NRXN3: variants seen among roughly 807,000 people sequenced by gnomAD.
The protein encoded by NRXN3 is neurexin 3, also known as neurexin III.
Under a neutral mutation model 137.6 loss-of-function variants are expected in NRXN3, and 32 were observed. That is an observed-to-expected ratio of 0.23 (90% CI 0.18 to 0.31). NRXN3 has a LOEUF of 0.31. NRXN3 is among the 10% of genes least tolerant of loss of function. The pLI, the probability that NRXN3 is intolerant of heterozygous loss-of-function variation, is 1.00. For synonymous variants in NRXN3, 798 were observed against 784.5 expected (o/e 1.02, Z -0.29); for missense variants, 1,574 against 2,062.5 (o/e 0.76, Z 4.59).
At chr14:78,288,619 T>A (rs562669906) in intron 3 of NRXN3, among the ~76,000 whole-genome samples, 2 of 152,360 alleles carry the variant, frequency 1.3e-5, no homozygotes, top group African/African-American at 4.8e-5. Flanking sequence ...AATGAAGAAC[T>A]ATTTTAGGGA....
At chr14:79,491,052 G>A (rs185633541) in intron 16 of NRXN3, among the ~76,000 whole-genome samples, 1 of 152,260 alleles carries the variant, frequency 6.6e-6, no homozygotes, top group Admixed American at 6.5e-5. Flanking sequence ...GAGTGCCAGG[G>A]TGTATATGTA....
intron 4 of NRXN3, among the ~76,000 whole-genome samples, chr14:78,514,991 A>G (rs1468694976): frequency 6.6e-6 from 1 of 152,126 alleles, no homozygotes; most frequent in Non-Finnish European, 1.5e-5. Flanking sequence ...TGCACTTGGA[A>G]AATATGCTCA....
intron 16 of NRXN3, among the ~76,000 whole-genome samples, chr14:79,482,432 GCA>G (rs939535107): frequency 1.6e-4 from 24 of 152,238 alleles, no homozygotes; most frequent in African/African-American, 5.8e-4. Flanking sequence ...AATCAAAAAA[GCA>G]CAGAGAGCTC....
chr14:78,281,646 A>C (rs1342303436), intron 3 of NRXN3, among the ~76,000 whole-genome samples: 1 of 152,162 alleles, frequency 6.6e-6, no homozygotes, highest in Non-Finnish European at 1.5e-5. Flanking sequence ...AACAGTAACA[A>C]TAAGCACTTG....
At chr14:78,585,843 A>G (rs2097056927) in intron 4 of NRXN3, among the ~76,000 whole-genome samples, 1 of 152,202 alleles carries the variant, frequency 6.6e-6, no homozygotes, top group Admixed American at 6.5e-5. Context: ...TAGTAGAGAT[A>G]TGAAATTGGT....
At chr14:79,841,614 G>T (rs1455127892) in intron 20 of NRXN3, among the ~76,000 whole-genome samples, 1 of 152,156 alleles carries the variant, frequency 6.6e-6, no homozygotes, top group Non-Finnish European at 1.5e-5. Flanking sequence ...TGCTTTCACT[G>T]CCCTGATCAC....
chr14:78,308,303 G>A (rs1364408637), intron 4 of NRXN3, among the ~76,000 whole-genome samples: 3 of 152,224 alleles, frequency 2.0e-5, no homozygotes, highest in Non-Finnish European at 4.4e-5. Flanking sequence ...TGTTCTGTGA[G>A]TGTGTGATTT....
At chr14:79,162,252 A>C in intron 15 of NRXN3, among the ~76,000 whole-genome samples, 1 of 149,114 alleles carries the variant, frequency 6.7e-6, no homozygotes, top group African/African-American at 2.5e-5. Flanking sequence ...CTAACTCGTC[A>C]TCTAGCATTA....
At chr14:79,366,809 A>G (rs148820806) in intron 15 of NRXN3, among the ~76,000 whole-genome samples, 2 of 152,316 alleles carry the variant, frequency 1.3e-5, no homozygotes, top group Non-Finnish European at 2.9e-5. Context: ...CATTTTCTGG[A>G]TAGCATTCTC....
intron 15 of NRXN3, among the ~76,000 whole-genome samples, chr14:79,254,661 C>T (rs981116935): frequency 6.6e-6 from 1 of 152,104 alleles, no homozygotes; most frequent in African/African-American, 2.4e-5. Flanking sequence ...GTGCTGGCCT[C>T]AGACCACTTT....
At chr14:79,505,426 T>TC (rs1310712742) in intron 16 of NRXN3, among the ~76,000 whole-genome samples, 25 of 152,254 alleles carry the variant, frequency 1.6e-4, no homozygotes, top group African/African-American at 6.0e-4. Context: ...CAAAATCCAA[T>TC]TGTTGAAAGC....
intron 15 of NRXN3, among the ~76,000 whole-genome samples, chr14:79,376,054 GTA>G (rs1263186714): frequency 7.8e-6 from 1 of 128,096 alleles, no homozygotes; most frequent in African/African-American, 2.6e-5. Flanking sequence ...GTATATGTAA[GTA>G]ATATATATCT....
chr14:79,027,959 G>A (rs2099601264), intron 15 of NRXN3, among the ~76,000 whole-genome samples: 1 of 152,028 alleles, frequency 6.6e-6, no homozygotes, highest in East Asian at 1.9e-4. Flanking sequence ...GTGGCCTTGG[G>A]CAAGTTATTT....
rs567679435 is a variant in NRXN3 at position 78,243,559 on chromosome 14, A to G, written c.466A>G (p.Ile156Val). The G allele has an allele frequency of 3.8e-6, 6 of 1,598,304 alleles. No individual in the cohort carries two copies. In the African/African-American group the frequency reaches 8.0e-5, roughly 21 times the overall value. The change falls in exon 2 of 21, where the codon ATA (isoleucine) becomes GTA (valine). Residue 156 changes from isoleucine (I) to valine (V), a missense_variant. Ile to Val is a conservative substitution (Grantham distance 29, BLOSUM62 3). Around this residue, in one of 5 missense-constraint regions of NRXN3, gnomAD observed 400 missense variants for 527.3 expected, o/e 0.76. Coordinates refer to ENST00000335750, the MANE Select transcript of NRXN3 (RefSeq NM_001330195.2). The surrounding 1 kb of genome is among the most constrained non-coding windows in gnomAD (Gnocchi z 4.2). ...GTTCCTTGGTGGAGTCCCTACTGAC[A>G]TACGACCTTCTGCCCTGACCCTTGA... ...DLFLGGVPTD[I>V]RPSALTLDGV...
chr14:78,659,360 T>A (rs2097814434), intron 6 of NRXN3, among the ~76,000 whole-genome samples: 1 of 152,118 alleles, frequency 6.6e-6, no homozygotes, highest in East Asian at 1.9e-4. Context: ...ATAGAGCTTT[T>A]TTATGGGTTG....
At chr14:79,651,880 G>T (rs544471776) in intron 16 of NRXN3, among the ~76,000 whole-genome samples, 1 of 152,260 alleles carries the variant, frequency 6.6e-6, no homozygotes, top group East Asian at 1.9e-4. Context: ...TAAAGCTAAT[G>T]TTGACTCTAG....
At chr14:78,289,644 G>A (rs1051757711) in intron 3 of NRXN3, among the ~76,000 whole-genome samples, 1 of 151,806 alleles carries the variant, frequency 6.6e-6, no homozygotes. Flanking sequence ...GGCCAGGCGT[G>A]GTGGCTCACA....
intron 10 of NRXN3, among the ~76,000 whole-genome samples, chr14:78,874,933 C>A (rs1047100461): frequency 2.0e-5 from 3 of 152,170 alleles, no homozygotes; most frequent in African/African-American, 7.2e-5. Context: ...GAGTGAGAAT[C>A]CATCAATTAA....
At chr14:79,503,612 A>C (rs1252930152) in intron 16 of NRXN3, among the ~76,000 whole-genome samples, 1 of 152,154 alleles carries the variant, frequency 6.6e-6, no homozygotes, top group African/African-American at 2.4e-5. Context: ...GCAAAGTCAG[A>C]TGTTCTGCCT....
Sources: gnomAD v4.1 joint callset for allele counts (sites outside exome capture counted in the v4.1 genomes callset) on GRCh38, gnomAD v4.1.1 for gene constraint, gnomAD v4.1.1 regional missense constraint, Gnocchi (gnomAD v3.1) non-coding constraint, MANE v1.5 for transcripts, NCBI Gene and HGNC (gene_info 2026-07-23, HGNC 2026-07-21) for gene names.